PDXDC1: variants seen among roughly 807,000 people sequenced by gnomAD.
The protein encoded by PDXDC1 is pyridoxal dependent decarboxylase domain containing 1.
PDXDC1 carries 42 observed loss-of-function variants against 100.1 expected under a neutral mutation model. That is an observed-to-expected ratio of 0.42 (90% CI 0.33 to 0.54). The LOEUF (loss-of-function observed/expected upper bound fraction) is 0.54. Among genes scored for constraint, PDXDC1 ranks in the 20% least tolerant of loss-of-function variants. The pLI, the probability that PDXDC1 is intolerant of heterozygous loss-of-function variation, is 0.10. For synonymous variants in PDXDC1, 260 were observed against 371.7 expected, an observed-to-expected ratio of 0.70 and a Z score of 3.46; for missense variants, 636 against 979.2, an observed-to-expected ratio of 0.65 and a Z score of 4.68.
intron 16 of PDXDC1, among the ~76,000 whole-genome samples, chr16:15,122,993 A>AC (rs2047513098): frequency 6.6e-6 from 1 of 150,990 alleles, no homozygotes; most frequent in Admixed American, 6.6e-5. Flanking sequence ...TGGAAGGTTT[A>AC]GCTACAGGTC....
At chr16:15,098,961 G>A (rs1430758092) in intron 16 of PDXDC1, among the ~76,000 whole-genome samples, 3 of 152,152 alleles carry the variant, frequency 2.0e-5, no homozygotes, top group Non-Finnish European at 2.9e-5. Flanking sequence ...AGCCAGTGTC[G>A]ATTGGGTTAC....
chr16:15,015,281 T>G (rs2041703048), intron 8 of PDXDC1, among the ~76,000 whole-genome samples: 1 of 152,270 alleles, frequency 6.6e-6, no homozygotes, highest in South Asian at 2.1e-4. Flanking sequence ...TAAATCAAAA[T>G]AATCCAGGAA....
At chr16:14,999,742 A>T (rs1237044612) in intron 3 of PDXDC1, among the ~76,000 whole-genome samples, 1 of 152,258 alleles carries the variant, frequency 6.6e-6, no homozygotes, top group Non-Finnish European at 1.5e-5. Context: ...CAAATCTGTC[A>T]TGTTTGAGTA....
chr16:15,090,077 G>T (rs1192080840), intron 16 of PDXDC1, among the ~76,000 whole-genome samples: 1 of 151,932 alleles, frequency 6.6e-6, no homozygotes, highest in East Asian at 1.9e-4. Context: ...AGGCATGGTG[G>T]CGGGTGCCTG....
intron 16 of PDXDC1, among the ~76,000 whole-genome samples, chr16:15,106,665 G>T (rs997497563): frequency 6.8e-6 from 1 of 146,082 alleles, no homozygotes; most frequent in Non-Finnish European, 1.5e-5. Context: ...TGAGGCAGGG[G>T]AATCACTTGA....
chr16:15,149,443 C>T, the PDXDC1 span, among the ~76,000 whole-genome samples: 2 of 152,240 alleles, frequency 1.3e-5, no homozygotes, highest in Admixed American at 1.3e-4. Context: ...AAATGGGAGC[C>T]AGGGGCCCCT....
the PDXDC1 span, among the ~76,000 whole-genome samples, chr16:15,144,403 G>C: frequency 6.6e-6 from 1 of 152,214 alleles, no homozygotes; most frequent in Non-Finnish European, 1.5e-5. Context: ...AAACAGTGCA[G>C]CCCCGGGCTG....
At chr16:15,008,917 T>G in intron 7 of PDXDC1, 70 bp downstream of exon 7, 1 of 1,459,102 alleles carries the variant, frequency 6.9e-7, no homozygotes, top group Non-Finnish European at 9.6e-7. Context: ...AATGAAGTTC[T>G]TTTTGCTGGC....
intron 16 of PDXDC1, chr16:15,047,651 A>G: frequency 1.0e-6 from 1 of 989,970 alleles, no homozygotes; most frequent in Non-Finnish European, 1.6e-6. Context: ...ATCTTTGAAT[A>G]TCCTGTAGGG....
intron 16 of PDXDC1, among the ~76,000 whole-genome samples, chr16:15,065,026 C>T (rs1281043758): frequency 1.3e-5 from 2 of 152,010 alleles, no homozygotes; most frequent in African/African-American, 2.4e-5. Flanking sequence ...ATTAGCCAGG[C>T]GTGGCAGTGG....
At chr16:15,147,726 T>C in the PDXDC1 span, among the ~76,000 whole-genome samples, 1 of 152,156 alleles carries the variant, frequency 6.6e-6, no homozygotes, top group South Asian at 2.1e-4. Context: ...TCTCGCTCTG[T>C]TGACCAGGCT....
chr16:15,148,255 C>G, the PDXDC1 span, among the ~76,000 whole-genome samples: 2 of 151,682 alleles, frequency 1.3e-5, no homozygotes, highest in Non-Finnish European at 2.9e-5. Flanking sequence ...CCGCGCCCGG[C>G]TGGACAGTGG....
In PDXDC1 at chr16:15,127,123, C is replaced by T. The variant is rs1219849189; in HGVS notation, c.1400-11756C>T. ...GAGGTTTCTAAGGGACTAACTCGGC[C>T]TCTTCACTTGCTATAGACGTACTGA... On this transcript the variant is annotated intron_variant, in intron 16 of 16. Transcript: ENST00000535621. 1.1e-5 allele frequency: 4 copies of T among 362,510 alleles called. 1 individual carries two copies. The highest frequency in any genetic ancestry group is 8.5e-5 in the African/African-American group (4 of 47,068). The allele number at this position is 362,510 out of a possible 1,614,324, so 22.5% of individuals were successfully genotyped here.
chr16:15,011,272 T>A (rs1352138342), intron 8 of PDXDC1, among the ~76,000 whole-genome samples: 1 of 152,290 alleles, frequency 6.6e-6, no homozygotes, highest in Non-Finnish European at 1.5e-5. Flanking sequence ...ACACTTCAGG[T>A]TTTTACAGAT....
chr16:15,059,845 C>T (rs1567177861), intron 16 of PDXDC1, among the ~76,000 whole-genome samples: 1 of 152,044 alleles, frequency 6.6e-6, no homozygotes, highest in Non-Finnish European at 1.5e-5. Flanking sequence ...TAAGGAGAGT[C>T]GCGGATACTT....
intron 16 of PDXDC1, among the ~76,000 whole-genome samples, chr16:15,084,483 T>A (rs1475604425): frequency 1.3e-5 from 2 of 152,086 alleles, no homozygotes; most frequent in East Asian, 3.9e-4. Context: ...AAAATGGAAA[T>A]GCCACTTTTT....
At chr16:15,147,443 G>A in the PDXDC1 span, among the ~76,000 whole-genome samples, 5 of 152,212 alleles carry the variant, frequency 3.3e-5, no homozygotes, top group African/African-American at 9.6e-5. Context: ...CTGCAGTGCC[G>A]TGATGAGCTA....
chr16:15,042,213 T>C (rs1436157743), downstream of PDXDC1, among the ~76,000 whole-genome samples: 2 of 145,620 alleles, frequency 1.4e-5, no homozygotes, highest in African/African-American at 5.1e-5. Context: ...TGAGATGGAG[T>C]CTTGCTCTGT....
intron 16 of PDXDC1, among the ~76,000 whole-genome samples, chr16:15,098,733 C>G (rs1309824587): frequency 6.6e-6 from 1 of 152,024 alleles, no homozygotes; most frequent in Non-Finnish European, 1.5e-5. Context: ...ACAAAATTAG[C>G]CTGGCATGGT....
Sources: gnomAD v4.1 joint callset for allele counts (sites outside exome capture counted in the v4.1 genomes callset) on GRCh38, gnomAD v4.1.1 for gene constraint, MANE v1.5 for transcripts, NCBI Gene and HGNC (gene_info 2026-07-23, HGNC 2026-07-21) for gene names.